Variants in CACNA1A observed in about 807,000 individuals in gnomAD.
The protein encoded by CACNA1A is voltage-dependent P/Q-type calcium channel subunit alpha-1A.
Under a neutral mutation model 262.4 loss-of-function variants are expected in CACNA1A, and 57 were observed. The observed-to-expected ratio is 0.22, with a 90% CI of 0.18 to 0.27. The LOEUF (loss-of-function observed/expected upper bound fraction) is 0.27, where lower values mean the gene tolerates loss of function less well. Ranked by LOEUF, CACNA1A falls within the 10% of genes least tolerant of loss-of-function variation. CACNA1A has a pLI of 1.00. For missense variants in CACNA1A, 2,526 were observed against 3,562.8 expected (o/e 0.71, Z 7.41); for synonymous variants, 1,431 against 1,419.3 (o/e 1.01, Z -0.18).
chr19:13,317,465 C>A, intron 10 of CACNA1A, 144 bp from the exon 11 acceptor site: 1 of 637,372 alleles, frequency 1.6e-6, no homozygotes, highest in East Asian at 2.8e-5. Context: ...CATCATGACC[C>A]ATGGGCTTAG....
At chr19:13,359,205 G>T (rs375474902) in intron 6 of CACNA1A, among the ~76,000 whole-genome samples, 3 of 152,206 alleles carry the variant, frequency 2.0e-5, no homozygotes, top group African/African-American at 7.2e-5. Context: ...ATCCCACGGG[G>T]AGTGGTATGG....
At chr19:13,389,843 C>T (rs1254394784) in intron 3 of CACNA1A, among the ~76,000 whole-genome samples, 2 of 152,156 alleles carry the variant, frequency 1.3e-5, no homozygotes, top group East Asian at 1.9e-4. Context: ...GACAGAGTCT[C>T]GCTCTGTCGC....
intron 24 of CACNA1A, chr19:13,275,643 A>AG (rs34873095): frequency 6.1e-5 from 36 of 586,828 alleles, no homozygotes; most frequent in Middle Eastern, 4.7e-4. Flanking sequence ...GGTTGGCAGG[A>AG]GGGGGGGTCC....
intron 12 of CACNA1A, among the ~76,000 whole-genome samples, chr19:13,311,232 G>A (rs1440996653): frequency 6.6e-6 from 1 of 152,272 alleles, no homozygotes; most frequent in East Asian, 1.9e-4. Flanking sequence ...TGGGGCTACA[G>A]GTGTGCACCA....
intron 20 of CACNA1A, 47 bp downstream of exon 20, chr19:13,286,456 G>C: frequency 1.1e-6 from 1 of 948,086 alleles, no homozygotes; most frequent in Non-Finnish European, 1.6e-6. Flanking sequence ...TCTGGCTCCA[G>C]GGACGCCAGG....
intron 24 of CACNA1A, chr19:13,275,156 A>G (rs982448368): frequency 1.3e-5 from 2 of 152,302 alleles, no homozygotes; most frequent in Admixed American, 6.5e-5. Context: ...CTCAGGGACC[A>G]TCTAAGAATG....
intron 3 of CACNA1A, among the ~76,000 whole-genome samples, chr19:13,391,326 T>C (rs1334442083): frequency 6.6e-6 from 1 of 152,226 alleles, no homozygotes. Flanking sequence ...GCATTTTTTT[T>C]CCTTTAATGT....
chr19:13,294,612 T>C (rs7250844), intron 19 of CACNA1A, among the ~76,000 whole-genome samples: 69,560 of 150,824 alleles, frequency 0.46, 16,636 homozygotes, highest in East Asian at 0.78. Context: ...CTCAGCCTCC[T>C]GAGTAGCTGG....
At chr19:13,457,721 C>T (rs151287760) in intron 1 of CACNA1A, among the ~76,000 whole-genome samples, 30 of 152,066 alleles carry the variant, frequency 2.0e-4, no homozygotes, top group Middle Eastern at 3.4e-3. Context: ...GGTGTGGTGG[C>T]GCATGCCTGT....
At chr19:13,406,218 G>A (rs1428720501) in intron 3 of CACNA1A, among the ~76,000 whole-genome samples, 1 of 151,630 alleles carries the variant, frequency 6.6e-6, no homozygotes, top group East Asian at 1.9e-4. Context: ...ACTTTGGGAG[G>A]CTGAGGCAGA....
intron 38 of CACNA1A, among the ~76,000 whole-genome samples, chr19:13,221,550 G>A (rs2055232827): frequency 6.6e-6 from 1 of 151,688 alleles, no homozygotes; most frequent in African/African-American, 2.4e-5. Flanking sequence ...GCAATTGTGC[G>A]CCTGTCTCTC....
At chr19:13,432,003 G>A (rs1284697901) in intron 3 of CACNA1A, among the ~76,000 whole-genome samples, 1 of 151,054 alleles carries the variant, frequency 6.6e-6, no homozygotes, top group Non-Finnish European at 1.5e-5. Flanking sequence ...TACTCAGGAG[G>A]CTGAGGCAGG....
intron 19 of CACNA1A, among the ~76,000 whole-genome samples, chr19:13,295,440 T>C (rs1180677112): frequency 2.0e-5 from 3 of 152,178 alleles, no homozygotes; most frequent in Non-Finnish European, 4.4e-5. Flanking sequence ...ATCTTGCTTG[T>C]AATTACCTGT....
At chr19:13,250,048 CCTT>C (rs987351305) in intron 30 of CACNA1A, among the ~76,000 whole-genome samples, 62 of 152,004 alleles carry the variant, frequency 4.1e-4, no homozygotes, top group African/African-American at 1.5e-3. Context: ...CTAGTATAAG[CCTT>C]CTTCACCTTA....
intron 3 of CACNA1A, among the ~76,000 whole-genome samples, chr19:13,417,703 C>T (rs1364107217): frequency 2.6e-5 from 4 of 151,814 alleles, no homozygotes; most frequent in Non-Finnish European, 5.9e-5. Context: ...CAGCCTGGCC[C>T]ACATGGTGAA....
Position 13,308,680 on chromosome 19 carries a change from A to C in CACNA1A, c.1669-152T>G. 1.7e-6 allele frequency: 1 copy of C among 579,624 alleles called. No homozygotes were observed. Among genetic ancestry groups the C allele is most frequent in the Non-Finnish European group, 3.1e-6 (1 of 326,640 alleles). 35.9% of individuals were successfully genotyped at this position (579,624 alleles called of 1,614,324 possible). On this transcript the variant is annotated intron_variant, in intron 12 of 46. Transcript: ENST00000360228. This position sits in a 1 kb window ranked among gnomAD's most constrained non-coding sequence, Gnocchi z 4.2. ...GGATCCTTGACCCCCTCATTCATCC[A>C]TTCATTTATCTATAGAGACCGGGTC... is the stretch of plus-strand genomic sequence containing the variant.
rs1226209923 is a variant in CACNA1A at position 13,437,711 on chromosome 19, A to G, written c.539+15165T>C. 2.6e-5 allele frequency among the ~76,000 whole-genome samples: 4 copies of G among 151,050 alleles called. 1 individual carries two copies. The highest frequency in any genetic ancestry group is 4.2e-4 in the South Asian group (2 of 4,762). On this transcript the variant is annotated intron_variant, in intron 3 of 46. Coordinates refer to ENST00000360228, the MANE Select transcript of CACNA1A (RefSeq NM_001127222.2). ...CATCTCAAAAAAAAAAAAAAAAAAA[A>G]AAAGAAACAAAAAGAGTTGGGGCGG...
At chr19:13,365,547 C>T in intron 4 of CACNA1A, 78 bp from the exon 5 acceptor site, 12 of 1,335,300 alleles carry the variant, frequency 9.0e-6, no homozygotes, top group Non-Finnish European at 1.2e-5. Flanking sequence ...GCCCAGGTCT[C>T]TCCCAGACAA....
At chr19:13,250,062 ATT>A (rs577478712) in intron 30 of CACNA1A, among the ~76,000 whole-genome samples, 4 of 143,418 alleles carry the variant, frequency 2.8e-5, no homozygotes, top group Non-Finnish European at 4.6e-5. Context: ...CTTCACCTTA[ATT>A]TTTTTTTTTT....
Sources: allele counts gnomAD v4.1 joint callset (sites outside exome capture counted in the v4.1 genomes callset), GRCh38; gene constraint gnomAD v4.1.1; non-coding constraint Gnocchi (gnomAD v3.1); transcripts MANE v1.5; gene names NCBI Gene and HGNC (gene_info 2026-07-23, HGNC 2026-07-21).